The following ARHGAP33 variants were observed in gnomAD, a reference collection of about 807,000 sequenced individuals.
ARHGAP33 encodes Rho GTPase activating protein 33, also known as rho GTPase-activating protein 33.
In ARHGAP33, 57 loss-of-function variants were observed where a neutral mutation model predicts 126.2. That is an observed-to-expected ratio of 0.45 (90% CI 0.36 to 0.56). The LOEUF is 0.56. ARHGAP33 is among the 20% of genes least tolerant of loss of function. The probability of loss-of-function intolerance (pLI) is 0.00; values close to 1 mark genes in which losing one functional copy is unlikely to be tolerated. For synonymous variants in ARHGAP33, 711 were observed against 755.0 expected (o/e 0.94, Z 0.95); for missense variants, 1,500 against 1,748.3 (o/e 0.86, Z 2.53).
In ARHGAP33 at chr19:35,782,334, T is replaced by G; in HGVS notation, c.1086-39T>G. 6.3e-7 allele frequency: 1 copy of G among 1,583,818 alleles called. No homozygotes were observed. Among genetic ancestry groups the G allele is most frequent in the Non-Finnish European group, 8.6e-7 (1 of 1,158,414 alleles). On this transcript the variant is annotated intron_variant, in intron 12 of 20. Coordinates refer to ENST00000007510, the MANE Select transcript of ARHGAP33 (RefSeq NM_001366178.1). The surrounding 1 kb of genome is among the most constrained non-coding windows in gnomAD (Gnocchi z 4.1). ...GCATGGCCACGTGAGCGAGCCCCTC[T>G]GACCTGGATCTTCCTCCTCCTTGAC...
Position 35,780,653 on chromosome 19 carries a change from G to C in ARHGAP33, c.769+5G>C. 2 of 1,611,028 alleles carry C rather than the reference G, an allele frequency of 1.2e-6. No individual in the cohort carries two copies. The highest frequency in any genetic ancestry group is 4.5e-5 in the East Asian group (2 of 44,746). On this transcript the variant is annotated splice_donor_5th_base_variant and intron_variant, in intron 9 of 20. Coordinates refer to ENST00000007510, the MANE Select transcript of ARHGAP33 (RefSeq NM_001366178.1). The stretch of plus-strand genomic sequence containing the variant: ...CAGGTCCGGGCCTGAAGGCGGGTAA[G>C]TGCCATGGATGGATGGGAGGTGTGG...
At position 35,787,072 on chromosome 19, in the gene ARHGAP33, G is replaced by C. The variant is rs540199604; in HGVS notation, c.2602G>C (p.Gly868Arg). 9 of 1,601,430 alleles carry C rather than the reference G, an allele frequency of 5.6e-6. No homozygotes were observed. The highest frequency in any genetic ancestry group is 7.7e-6 in the Non-Finnish European group (9 of 1,173,216). The change falls in exon 20 of 21, where the codon GGT becomes CGT. Residue 868 changes from glycine to arginine, a missense_variant and splice_region_variant. This residue lies in a region of ARHGAP33 where 642 missense variants were observed against 634.0 expected (regional missense o/e 1.01). Transcript: ENST00000007510. Reference protein sequence around the residue: ...SKLRGAQGPLGPDMESPLPPP... With the variant: ...SKLRGAQGPLRPDMESPLPPP... ...GCTCCGGGGAGCCCAGGGCCCACTC[G>C]GTGAGTCCTCAGCCTACCCCACCCC...
chr19:35,779,311 C>T (rs572840841), intron 6 of ARHGAP33, 187 bp downstream of exon 6: 23 of 574,656 alleles, frequency 4.0e-5, no homozygotes, highest in Admixed American at 2.6e-4. Context: ...TGTGTGTGCA[C>T]GTGTGTGTGT....
intron 1 of ARHGAP33, among the ~76,000 whole-genome samples, chr19:35,777,220 C>A (rs187943248): frequency 4.6e-4 from 70 of 152,166 alleles, no homozygotes; most frequent in Non-Finnish European, 5.7e-4. Flanking sequence ...GAAATAGAGC[C>A]AGATTTGTGT....
rs764218851 is a variant in ARHGAP33 at position 35,788,394 on chromosome 19, C to G, written c.3829C>G (p.Leu1277Val). The G allele has an allele frequency of 3.8e-6, 6 of 1,583,046 alleles. No homozygotes were observed. The highest frequency in any genetic ancestry group is 5.1e-6 in the Non-Finnish European group (6 of 1,165,090). The change falls in exon 21 of 21, where the codon CTC becomes GTC. Residue 1277 changes from leucine (L) to valine (V), a missense_variant. Transcript: ENST00000007510. ...CCCTTACCCCACTCCCAGCTGGTCC[C>G]TCCACTCTGAGGGCCAGACCCGAAG... ...PPPYPTPSWS[L>V]HSEGQTRSYC
Position 35,786,355 on chromosome 19 carries a change from T to C in ARHGAP33, c.1943-58T>C. 1.4e-6 allele frequency: 2 copies of C among 1,471,320 alleles called. No individual in the cohort carries two copies. Among genetic ancestry groups the C allele is most frequent in the South Asian group, 1.4e-5 (1 of 72,796 alleles). The allele number at this position is 1,471,320 out of a possible 1,614,324, so 91.1% of individuals were successfully genotyped here. ...GCCTCTTCATGTCCTTTCCCCAGCTTTCTGTGGGGCTGTGCGCCCTGTTCT... is the reference window on the plus strand; with the variant it reads ...GCCTCTTCATGTCCTTTCCCCAGCTCTCTGTGGGGCTGTGCGCCCTGTTCT... On this transcript the variant is annotated intron_variant, in intron 19 of 20. Transcript: ENST00000007510. The surrounding 1 kb of genome is among the most constrained non-coding windows in gnomAD (Gnocchi z 7.0).
At chr19:35,785,365 G>A (rs556770027) in intron 18 of ARHGAP33, 31 bp downstream of exon 18, 1 of 1,614,066 alleles carries the variant, frequency 6.2e-7, no homozygotes, top group East Asian at 2.2e-5. Flanking sequence ...CTGGTGGGCA[G>A]CGATGGTCGC....
In ARHGAP33 at chr19:35,782,723, G is replaced by A. The variant is rs758938279; in HGVS notation, c.1314-39G>A. On this transcript the variant is annotated intron_variant, in intron 14 of 20. Transcript: ENST00000007510. The surrounding 1 kb of genome is among the most constrained non-coding windows in gnomAD (Gnocchi z 4.1). ...GGCGGGACTTGGTGGGATTCCAAGG[G>A]GGTTGAGGCTCAGGTGCCCCCTCTG... 6.2e-7 allele frequency: 1 copy of A among 1,610,884 alleles called. No homozygotes were observed. Among genetic ancestry groups the A allele is most frequent in the Non-Finnish European group, 8.5e-7 (1 of 1,178,604 alleles).
chr19:35,776,425 A>G (rs1568420798), intron 1 of ARHGAP33, among the ~76,000 whole-genome samples: 4 of 151,988 alleles, frequency 2.6e-5, no homozygotes, highest in Non-Finnish European at 5.9e-5. Context: ...CCAGGCACAG[A>G]GAGAGTCAGC....
Position 35,786,523 on chromosome 19 carries a change from G to T in ARHGAP33, c.2053G>T (p.Glu685Ter), listed in dbSNP as rs1010537696. The T allele has an allele frequency of 1.3e-5, 20 of 1,535,594 alleles. No individual in the cohort carries two copies. The highest frequency in any genetic ancestry group is 3.9e-5 in the Admixed American group (2 of 50,946). Residue 685 changes from glutamate to a stop codon, truncating the protein, a stop_gained, in exon 20 of 21, where the codon GAG becomes TAG. Coordinates refer to ENST00000007510, the MANE Select transcript of ARHGAP33 (RefSeq NM_001366178.1). LOFTEE classifies it high-confidence loss of function. The surrounding 1 kb of genome is among the most constrained non-coding windows in gnomAD (Gnocchi z 7.0). ...CESLSSSSSS[E>*]SSSSESSSSS... ...GAGCCTGTCCTCGTCCTCCTCCTCC[G>T]AGTCCTCCTCCTCTGAGTCCTCCTC...
chr19:35,786,506 C>G lies in ARHGAP33; in HGVS notation c.2036C>G (p.Ser679Cys). ...PAPAGSCESL[S>C]SSSSSESSSS... is the part of the protein sequence containing the mutation. ...CCTGCTGGCTCCTGCGAGAGCCTGT[C>G]CTCGTCCTCCTCCTCCGAGTCCTCC... The change falls in exon 20 of 21, where the codon TCC (serine) becomes TGC (cysteine). Residue 679 changes from serine to cysteine, a missense_variant. This residue lies in a region of ARHGAP33 where 300 missense variants were observed against 291.1 expected (regional missense o/e 1.03). Coordinates refer to ENST00000007510, the MANE Select transcript of ARHGAP33 (RefSeq NM_001366178.1). The surrounding 1 kb of genome is among the most constrained non-coding windows in gnomAD (Gnocchi z 7.0). The G allele has an allele frequency of 6.5e-7, 1 of 1,536,126 alleles. No individual in the cohort carries two copies. The highest frequency in any genetic ancestry group is 8.7e-7 in the Non-Finnish European group (1 of 1,146,846).
rs1224223541 is a variant in ARHGAP33, at chr19:35,786,986, T to C, written c.2516T>C (p.Leu839Pro). ...AGCCTGCGCCCCCATCTCATACCCC[T>C]GCTGCTGCGAGGAGCCGAGGCCCCG... ...GRSLRPHLIP[L>P]LLRGAEAPLT... The change falls in exon 20 of 21, where the codon CTG becomes CCG. Residue 839 changes from leucine (L) to proline (P), a missense_variant. By Grantham distance (98) the Leu-to-Pro change is moderately conservative (BLOSUM62 -3). This residue lies in a region of ARHGAP33 where 642 missense variants were observed against 634.0 expected (regional missense o/e 1.01). Transcript: ENST00000007510. The surrounding 1 kb of genome is among the most constrained non-coding windows in gnomAD (Gnocchi z 7.0). 6.2e-7 allele frequency: 1 copy of C among 1,610,234 alleles called. No homozygotes were observed. The highest frequency in any genetic ancestry group is 2.2e-5 in the East Asian group (1 of 44,796).
chr19:35,787,625 A>G lies in ARHGAP33; in HGVS notation c.3060A>G (p.Pro1020=), dbSNP rs867646780. The G allele has an allele frequency of 3.6e-5, 58 of 1,600,530 alleles. 2 individuals carry two copies. The Middle Eastern group carries it at 7.3e-3, about 202-fold the overall frequency. ...CGCCAGAGGCAGCAGCCCAGTCCCC[A>G]TGTTCTGTCCCCTCACAGGTTCCTA... ...RDAPEAAAQS[P]CSVPSQVPTP... is the part of the protein sequence containing the mutation. Residue 1020 remains proline (P), a synonymous_variant, in exon 21 of 21, where the codon CCA becomes CCG. Transcript: ENST00000007510.
At chr19:35,776,047 G>C (rs1008221248) in intron 1 of ARHGAP33, among the ~76,000 whole-genome samples, 4 of 150,950 alleles carry the variant, frequency 2.6e-5, no homozygotes, top group African/African-American at 9.7e-5. Context: ...GCCCTCCCCG[G>C]CGGAGCCCCC....
chr19:35,780,169 C>G (rs765681724), intron 6 of ARHGAP33, 42 bp from the exon 7 acceptor site: 2 of 1,605,034 alleles, frequency 1.2e-6, no homozygotes, highest in Admixed American at 1.7e-5. Context: ...GCACTAACAC[C>G]GTCTTCTGAC....
Position 35,786,967 on chromosome 19 carries a change from C to T in ARHGAP33, c.2497C>T (p.Arg833Cys), listed in dbSNP as rs376360480. The change falls in exon 20 of 21, where the codon CGC (arginine) becomes TGC (cysteine). Residue 833 changes from arginine to cysteine, a missense_variant. Arg to Cys is a radical substitution (Grantham distance 180, BLOSUM62 -3). Transcript: ENST00000007510. This position sits in a 1 kb window ranked among gnomAD's most constrained non-coding sequence, Gnocchi z 7.0. ...AGCTCTCAGCCCCGGCCGGAGCCTG[C>T]GCCCCCATCTCATACCCCTGCTGCT... ...TPALSPGRSL[R>C]PHLIPLLLRG... is the part of the protein sequence containing the mutation. The T allele has an allele frequency of 5.6e-6, 9 of 1,610,076 alleles. No homozygotes were observed. Among genetic ancestry groups the T allele is most frequent in the Admixed American group, 1.7e-5 (1 of 59,814 alleles).
chr19:35,781,638 C>T (rs1325889816), intron 12 of ARHGAP33, among the ~76,000 whole-genome samples: 1 of 152,122 alleles, frequency 6.6e-6, no homozygotes, highest in Non-Finnish European at 1.5e-5. Context: ...AAGAGGGAGG[C>T]CTGCAGTTTT....
chr19:35,778,001 C>T, intron 3 of ARHGAP33, 93 bp downstream of exon 3: 1 of 1,435,382 alleles, frequency 7.0e-7, no homozygotes, highest in South Asian at 1.2e-5. Flanking sequence ...AAACTTATCC[C>T]TGTGACTGGC....
rs1972246679 is a variant in ARHGAP33, at chr19:35,788,511, C to T, written c.*82C>T. ...AACCAAATCCCTTGTTTTGTATTTT[C>T]TTGAACCCCGACCACTACCCCAGGT... is the stretch of plus-strand genomic sequence containing the variant. On this transcript the variant is annotated 3_prime_UTR_variant, in exon 21 of 21. Coordinates refer to ENST00000007510, the MANE Select transcript of ARHGAP33 (RefSeq NM_001366178.1). 7.7e-7 allele frequency: 1 copy of T among 1,291,856 alleles called. No individual in the cohort carries two copies. Among genetic ancestry groups the T allele is most frequent in the South Asian group, 1.6e-5 (1 of 62,266 alleles). The allele number at this position is 1,291,856 out of a possible 1,614,324, so 80.0% of individuals were successfully genotyped here.
Sources: gnomAD v4.1 joint callset for allele counts (sites outside exome capture counted in the v4.1 genomes callset) on GRCh38, gnomAD v4.1.1 for gene constraint, gnomAD v4.1.1 regional missense constraint, Gnocchi (gnomAD v3.1) non-coding constraint, MANE v1.5 for transcripts, NCBI Gene and HGNC (gene_info 2026-07-23, HGNC 2026-07-21) for gene names.